ABI2: variants seen among roughly 807,000 people sequenced by gnomAD.
The protein encoded by ABI2 is abl interactor 2, also known as abelson interactor 2.
A neutral mutation model predicts 59.2 loss-of-function variants in ABI2; 25 were observed. The ratio of observed to expected loss-of-function variants is 0.42; its 90% CI spans 0.31 to 0.59. The LOEUF (loss-of-function observed/expected upper bound fraction) is 0.59. Among genes scored for constraint, ABI2 ranks in the 20% least tolerant of loss-of-function variants. The pLI, the probability that ABI2 is intolerant of heterozygous loss-of-function variation, is 0.14. For missense variants in ABI2, 545 were observed against 681.8 expected (o/e 0.80, Z 2.23); for synonymous variants, 213 against 235.5 (o/e 0.90, Z 0.87).
chr2:203,358,069 GTT>G (rs1213178648), intron 1 of ABI2, among the ~76,000 whole-genome samples: 42 of 127,036 alleles, frequency 3.3e-4, no homozygotes, highest in African/African-American at 1.2e-3. Context: ...TGCCTGGCCT[GTT>G]TGTGTGTGTG....
chr2:203,393,961 C>T (rs1016570687), intron 5 of ABI2, among the ~76,000 whole-genome samples: 2 of 152,048 alleles, frequency 1.3e-5, no homozygotes, highest in South Asian at 2.1e-4. Context: ...TGGGAAAAGG[C>T]GGGAAATATG....
chr2:203,409,251 A>C (rs549876755), intron 9 of ABI2, among the ~76,000 whole-genome samples: 18 of 152,312 alleles, frequency 1.2e-4, no homozygotes, highest in Middle Eastern at 3.4e-3. Context: ...TCAAGGATTT[A>C]CTGCCAAGAA....
chr2:203,377,399 T>C (rs1202478626), intron 2 of ABI2, among the ~76,000 whole-genome samples: 1 of 152,136 alleles, frequency 6.6e-6, no homozygotes, highest in Non-Finnish European at 1.5e-5. Context: ...TTTACACTCT[T>C]ATAGTTTCAT....
chr2:203,372,226 A>G (rs2095281206), intron 2 of ABI2, among the ~76,000 whole-genome samples: 1 of 152,198 alleles, frequency 6.6e-6, no homozygotes, highest in Admixed American at 6.5e-5. Context: ...CACATGTTTC[A>G]GAGAGCACAG....
intron 10 of ABI2, among the ~76,000 whole-genome samples, chr2:203,416,628 A>G (rs2097905921): frequency 1.3e-5 from 2 of 152,096 alleles, no homozygotes; most frequent in Admixed American, 1.3e-4. Context: ...GATTTGTGTT[A>G]ATATAAACAG....
In ABI2 at chr2:203,328,394, C is replaced by T. The variant is rs1296354809; in HGVS notation, c.-121C>T. 5.2e-6 allele frequency: 4 copies of T among 776,198 alleles called. No individual in the cohort carries two copies. Among genetic ancestry groups the T allele is most frequent in the South Asian group, 3.3e-5 (2 of 61,464 alleles). 48.1% of individuals were successfully genotyped at this position (776,198 alleles called of 1,614,324 possible). A position where few individuals can be genotyped will look rare whatever the true frequency, so the allele number is the denominator to read the frequency against. On this transcript the variant is annotated 5_prime_UTR_variant, in exon 1 of 12. Transcript: ENST00000261018. ...TCGCGCGCTGGGGCTGTTTCTCGCT[C>T]CTTCCGAGTTACCGCCGCCGTCGCC...
intron 1 of ABI2, among the ~76,000 whole-genome samples, chr2:203,338,934 G>GTGTATATA (rs2077848776): frequency 9.6e-4 from 5 of 5,188 alleles, no homozygotes; most frequent in Non-Finnish European, 1.1e-3. Flanking sequence ...GTGTGTATAT[G>GTGTATATA]TATATATATA....
chr2:203,366,871 T>G lies in ABI2; in HGVS notation c.118-6T>G. The G allele has an allele frequency of 6.5e-7, 1 of 1,528,358 alleles. No individual in the cohort carries two copies. Among genetic ancestry groups the G allele is most frequent in the Non-Finnish European group, 8.8e-7 (1 of 1,133,090 alleles). The allele number at this position is 1,528,358 out of a possible 1,614,324, so 94.7% of individuals were successfully genotyped here. ...TTAATGATCACTGGTTTGTTTTTTTTCCCAGTCAGCAGATAAGCAGAGAGC... is the reference window on the plus strand; with the variant it reads ...TTAATGATCACTGGTTTGTTTTTTTGCCCAGTCAGCAGATAAGCAGAGAGC... On this transcript the variant is annotated splice_polypyrimidine_tract_variant and splice_region_variant and intron_variant, in intron 1 of 11. Coordinates refer to ENST00000261018, the MANE Select transcript of ABI2 (RefSeq NM_001375670.1).
chr2:203,329,886 G>A (rs1367945094), intron 1 of ABI2, among the ~76,000 whole-genome samples: 2 of 151,860 alleles, frequency 1.3e-5, no homozygotes, highest in Non-Finnish European at 2.9e-5. Flanking sequence ...ACAGGCGCCC[G>A]CCACCACAGC....
intron 11 of ABI2, among the ~76,000 whole-genome samples, chr2:203,418,788 G>A (rs897732368): frequency 6.6e-6 from 1 of 152,206 alleles, no homozygotes; most frequent in Non-Finnish European, 1.5e-5. Context: ...ATCATTGGGA[G>A]CTGTTTTAGA....
At chr2:203,392,105 G>A (rs1436309986) in intron 5 of ABI2, among the ~76,000 whole-genome samples, 1 of 152,026 alleles carries the variant, frequency 6.6e-6, no homozygotes, top group South Asian at 2.1e-4. Flanking sequence ...TGTAAAAGGG[G>A]GGTAATATTT....
chr2:203,335,148 C>T (rs529414077), intron 1 of ABI2, among the ~76,000 whole-genome samples: 129 of 152,194 alleles, frequency 8.5e-4, no homozygotes, highest in Admixed American at 1.8e-3. Flanking sequence ...TCCCATTAGC[C>T]GTAGGATGTT....
chr2:203,390,366 T>C (rs182597108), intron 4 of ABI2, among the ~76,000 whole-genome samples: 23 of 152,368 alleles, frequency 1.5e-4, no homozygotes, highest in African/African-American at 5.0e-4. Flanking sequence ...GTGCAGTGGC[T>C]CACGCCTGTA....
intron 11 of ABI2, among the ~76,000 whole-genome samples, chr2:203,417,876 C>A (rs2097968800): frequency 6.6e-6 from 1 of 152,006 alleles, no homozygotes; most frequent in Admixed American, 6.6e-5. Context: ...TAATTTTTTT[C>A]TTTATGTAGC....
At chr2:203,372,547 C>T (rs547456440) in intron 2 of ABI2, among the ~76,000 whole-genome samples, 5,536 of 148,820 alleles carry the variant, frequency 0.037, 323 homozygotes, top group African/African-American at 0.13. Flanking sequence ...GGCGGCTGGC[C>T]GGGCGGGGGG....
chr2:203,404,597 C>A (rs939865411), intron 9 of ABI2, among the ~76,000 whole-genome samples: 1 of 152,268 alleles, frequency 6.6e-6, no homozygotes, highest in Admixed American at 6.5e-5. Flanking sequence ...CTTGCTCTGT[C>A]ACCCAGGCTG....
At chr2:203,341,603 G>A (rs955658397) in intron 1 of ABI2, among the ~76,000 whole-genome samples, 3 of 151,996 alleles carry the variant, frequency 2.0e-5, no homozygotes, top group South Asian at 2.1e-4. Flanking sequence ...GTAGTGCCTC[G>A]GGAGGCTGAG....
chr2:203,398,788 T>G (rs2097107749), intron 8 of ABI2, among the ~76,000 whole-genome samples: 1 of 152,206 alleles, frequency 6.6e-6, no homozygotes, highest in Non-Finnish European at 1.5e-5. Context: ...AAGTATAACA[T>G]AAATGAAAGC....
At chr2:203,416,841 A>AG in intron 10 of ABI2, 67 bp from the exon 11 acceptor site, 1 of 1,450,992 alleles carries the variant, frequency 6.9e-7, no homozygotes, top group Non-Finnish European at 9.2e-7. Context: ...TGAACCCAGA[A>AG]GCTTGGATAG....
Sources: gnomAD v4.1 joint callset for allele counts (sites outside exome capture counted in the v4.1 genomes callset) on GRCh38, gnomAD v4.1.1 for gene constraint, MANE v1.5 for transcripts, NCBI Gene and HGNC (gene_info 2026-07-23, HGNC 2026-07-21) for gene names.